The following EPB41L5 variants were observed in gnomAD, a reference collection of about 807,000 sequenced individuals.
EPB41L5 encodes erythrocyte membrane protein band 4.1 like 5.
A neutral mutation model predicts 106.6 loss-of-function variants in EPB41L5; 55 were observed. The ratio of observed to expected loss-of-function variants is 0.52; its 90% confidence interval spans 0.42 to 0.65. The LOEUF (loss-of-function observed/expected upper bound fraction) is 0.65. Ranked by LOEUF, EPB41L5 falls within the 30% of genes least tolerant of loss-of-function variation. EPB41L5 has a pLI of 0.00. For missense variants in EPB41L5, 871 were observed against 882.1 expected, an observed-to-expected ratio of 0.99 and a Z score of 0.16; for synonymous variants, 297 against 306.7, an observed-to-expected ratio of 0.97 and a Z score of 0.33.
intron 2 of EPB41L5, among the ~76,000 whole-genome samples, chr2:120,041,405 A>C (rs1679395676): frequency 6.6e-6 from 1 of 152,098 alleles, no homozygotes; most frequent in Non-Finnish European, 1.5e-5. Context: ...TTTTCCATAC[A>C]AAGTTTCTTT....
At position 120,142,989 on chromosome 2, in the gene EPB41L5, T is replaced by C; in HGVS notation, c.1600-14T>C. On this transcript the variant is annotated splice_polypyrimidine_tract_variant and intron_variant, in intron 18 of 24. Transcript: ENST00000263713. ...GCATCAGAGTTGATTATAGTATATT[T>C]TTAAAATATCTAGGAGGAAGTGGTG... The C allele has an allele frequency of 6.2e-7, 1 of 1,607,450 alleles. No individual in the cohort carries two copies. Among genetic ancestry groups the C allele is most frequent in the Non-Finnish European group, 8.5e-7 (1 of 1,174,876 alleles).
At chr2:120,115,055 T>C (rs1684887045) in intron 16 of EPB41L5, among the ~76,000 whole-genome samples, 1 of 152,208 alleles carries the variant, frequency 6.6e-6, no homozygotes. Flanking sequence ...ACAGTTTCTT[T>C]TGCTTGATGT....
chr2:120,089,104 A>G (rs890494994), intron 11 of EPB41L5, among the ~76,000 whole-genome samples: 14 of 152,326 alleles, frequency 9.2e-5, no homozygotes, highest in African/African-American at 3.4e-4. Context: ...ATACATGTAT[A>G]CAATGTGTAA....
chr2:120,151,085 A>G (rs1442328742), intron 20 of EPB41L5, among the ~76,000 whole-genome samples: 1 of 152,018 alleles, frequency 6.6e-6, no homozygotes. Flanking sequence ...CTGATGTGGG[A>G]GTATTGCTTG....
At chr2:120,055,865 T>C (rs1680615416) in intron 3 of EPB41L5, among the ~76,000 whole-genome samples, 1 of 152,220 alleles carries the variant, frequency 6.6e-6, no homozygotes, top group African/African-American at 2.4e-5. Flanking sequence ...TATAAGATCA[T>C]GTCATCTGCA....
chr2:120,029,944 C>T (rs1357695889), intron 2 of EPB41L5, among the ~76,000 whole-genome samples: 1 of 152,122 alleles, frequency 6.6e-6, no homozygotes, highest in African/African-American at 2.4e-5. Context: ...ACGGCTTTTT[C>T]CAGTCTTCGT....
intron 2 of EPB41L5, among the ~76,000 whole-genome samples, chr2:120,028,549 G>T (rs1678492088): frequency 6.6e-6 from 1 of 151,988 alleles, no homozygotes; most frequent in Non-Finnish European, 1.5e-5. Context: ...AAGATACATA[G>T]GTTTAATTTA....
chr2:120,152,727 C>A (rs920007399), intron 20 of EPB41L5, among the ~76,000 whole-genome samples: 23 of 152,166 alleles, frequency 1.5e-4, no homozygotes, highest in African/African-American at 5.3e-4. Context: ...AAGCTATGGT[C>A]CTGGGCTTTT....
intron 24 of EPB41L5, among the ~76,000 whole-genome samples, chr2:120,170,321 C>G (rs1687621083): frequency 6.6e-6 from 1 of 152,252 alleles, no homozygotes; most frequent in African/African-American, 2.4e-5. Flanking sequence ...GCTCAGGAAT[C>G]TGGATGTAGC....
chr2:120,171,978 T>TA (rs1357283256), intron 24 of EPB41L5, among the ~76,000 whole-genome samples: 1 of 150,076 alleles, frequency 6.7e-6, no homozygotes, highest in East Asian at 1.9e-4. Flanking sequence ...AGAGCGAAGA[T>TA]ACTGTATCCA....
In EPB41L5 at chr2:120,063,148, C is replaced by G. The variant is rs778217385; in HGVS notation, c.286-10030C>G. ...TGAGGTCAGGAGTTCAAGACTAGCCCGGCCAACCTGGTGAAAACCTGTCTC... is the reference window on the plus strand; with the variant it reads ...TGAGGTCAGGAGTTCAAGACTAGCCGGGCCAACCTGGTGAAAACCTGTCTC... On this transcript the variant is annotated intron_variant, in intron 3 of 24. Coordinates refer to ENST00000263713, the MANE Select transcript of EPB41L5 (RefSeq NM_020909.4). Among the ~76,000 whole-genome samples the G allele has an allele frequency of 5.3e-5, 8 of 151,396 alleles. No individual in the cohort carries two copies. In the East Asian group the frequency reaches 7.8e-4, roughly 15 times the overall value.
At chr2:120,050,133 T>A (rs1680124359) in intron 3 of EPB41L5, among the ~76,000 whole-genome samples, 1 of 152,174 alleles carries the variant, frequency 6.6e-6, no homozygotes, top group Admixed American at 6.5e-5. Flanking sequence ...AATCTGACAA[T>A]TATATGTCTT....
intron 14 of EPB41L5, among the ~76,000 whole-genome samples, chr2:120,097,754 A>T (rs1452935340): frequency 6.6e-6 from 1 of 152,238 alleles, no homozygotes; most frequent in Non-Finnish European, 1.5e-5. Context: ...GGGAAGCTTG[A>T]ACTAGGTTAG....
intron 1 of EPB41L5, among the ~76,000 whole-genome samples, chr2:120,018,813 T>A (rs975496673): frequency 6.6e-6 from 1 of 152,066 alleles, no homozygotes; most frequent in Non-Finnish European, 1.5e-5. Context: ...CACACCTGGC[T>A]AATTTTATTT....
At chr2:120,038,891 T>C (rs933450486) in intron 2 of EPB41L5, among the ~76,000 whole-genome samples, 5 of 152,236 alleles carry the variant, frequency 3.3e-5, no homozygotes, top group African/African-American at 1.2e-4. Flanking sequence ...CGTGGCAGCA[T>C]TATTCCAAAC....
intron 20 of EPB41L5, 97 bp from the exon 21 acceptor site, chr2:120,160,784 T>A: frequency 1.2e-6 from 1 of 806,630 alleles, no homozygotes; most frequent in East Asian, 2.5e-5. Context: ...TTCCCCTACA[T>A]GAATTTGTTG....
chr2:120,073,125 A>C (rs1317435078), intron 3 of EPB41L5, 53 bp from the exon 4 acceptor site: 2 of 1,526,698 alleles, frequency 1.3e-6, no homozygotes, highest in Non-Finnish European at 1.8e-6. Flanking sequence ...TAATTCATTC[A>C]AATTTTAAAG....
chr2:120,133,101 A>G (rs1013168013), intron 18 of EPB41L5, among the ~76,000 whole-genome samples: 4 of 152,110 alleles, frequency 2.6e-5, no homozygotes, highest in African/African-American at 9.7e-5. Flanking sequence ...AGTGCCATCA[A>G]AGAACTTTTA....
chr2:120,040,242 A>G (rs1679318007), intron 2 of EPB41L5, among the ~76,000 whole-genome samples: 1 of 152,194 alleles, frequency 6.6e-6, no homozygotes, highest in Non-Finnish European at 1.5e-5. Flanking sequence ...AGAGGTCCAT[A>G]TAGAATACAA....
Sources: allele counts gnomAD v4.1 joint callset (sites outside exome capture counted in the v4.1 genomes callset), GRCh38; gene constraint gnomAD v4.1.1; transcripts MANE v1.5; gene names NCBI Gene and HGNC (gene_info 2026-07-23, HGNC 2026-07-21).